Variants in VPS26A observed in about 807,000 individuals in gnomAD.
VPS26A encodes the protein vacuolar protein sorting-associated protein 26A.
Under a neutral mutation model 42.4 loss-of-function variants are expected in VPS26A, and 22 were observed. The observed-to-expected ratio is 0.52, with a 90% CI of 0.37 to 0.74. VPS26A has a LOEUF of 0.74. Among genes scored for constraint, VPS26A ranks in the 30% least tolerant of loss-of-function variants. The pLI is 0.00. For missense variants in VPS26A, 276 were observed against 379.2 expected (o/e 0.73, Z 2.26); for synonymous variants, 110 against 123.5 (o/e 0.89, Z 0.73).
intron 2 of VPS26A, among the ~76,000 whole-genome samples, chr10:69,141,087 A>T (rs1445172548): frequency 6.6e-6 from 1 of 152,098 alleles, no homozygotes; most frequent in Non-Finnish European, 1.5e-5. Context: ...CGATCTGGGG[A>T]GATTCAAAGA....
rs762263355 is a variant in VPS26A at position 69,171,198 on chromosome 10, CAG to C, written c.917_918del (p.Arg306AsnfsTer8). The C allele has an allele frequency of 8.1e-6, 13 of 1,613,314 alleles. No homozygotes were observed. Among genetic ancestry groups the C allele is most frequent in the African/African-American group, 6.7e-5 (5 of 74,874 alleles). Reference sequence around the variant, plus strand: ...AAAAGCTCCTGAAAAACTGAGGAAACAGAGAACAAACTTTCACCAGCGATTTG... The same window carrying C: ...AAAAGCTCCTGAAAAACTGAGGAAACAGAACAAACTTTCACCAGCGATTTG... Reference protein sequence around the residue: ...WRKAPEKLRKQRTNFHQRFES... With the variant: ...WRKAPEKLRKXRTNFHQRFES... On this transcript the variant is annotated frameshift_variant, in exon 9 of 9. Coordinates refer to ENST00000263559, the MANE Select transcript of VPS26A (RefSeq NM_004896.5). LOFTEE classifies it high-confidence loss of function.
At chr10:69,170,960 C>T (rs1199402945) in intron 8 of VPS26A, among the ~76,000 whole-genome samples, 196 bp from the exon 9 acceptor site, 1 of 152,004 alleles carries the variant, frequency 6.6e-6, no homozygotes, top group Admixed American at 6.6e-5. Flanking sequence ...TGCATGGGTG[C>T]TGGTGATAGG....
chr10:69,132,758 GAT>G, intron 1 of VPS26A, 138 bp from the exon 2 acceptor site: 1 of 887,232 alleles, frequency 1.1e-6, no homozygotes, highest in South Asian at 1.9e-5. Flanking sequence ...TGTAGCATTT[GAT>G]ATATGTTTTT....
intron 2 of VPS26A, among the ~76,000 whole-genome samples, chr10:69,153,020 C>T (rs1841351542): frequency 6.7e-6 from 1 of 149,672 alleles, no homozygotes; most frequent in Non-Finnish European, 1.5e-5. Flanking sequence ...GAAAAAGGAT[C>T]CTACCTAATT....
intron 5 of VPS26A, among the ~76,000 whole-genome samples, chr10:69,160,747 T>C (rs956077756): frequency 2.6e-5 from 4 of 152,168 alleles, no homozygotes; most frequent in Non-Finnish European, 4.4e-5. Flanking sequence ...CGGCCTGACA[T>C]AATTTATATT....
At chr10:69,164,643 T>C (rs1841644629) in intron 6 of VPS26A, among the ~76,000 whole-genome samples, 1 of 152,228 alleles carries the variant, frequency 6.6e-6, no homozygotes, top group Admixed American at 6.5e-5. Context: ...TTATGGCCTC[T>C]GGGTTTTATG....
At chr10:69,161,954 A>G (rs12249303) in intron 5 of VPS26A, 40,361 of 189,532 alleles carry the variant, frequency 0.21, 4,677 homozygotes, top group African/African-American at 0.25. Flanking sequence ...CGCCACCTCC[A>G]TGCAACTCAG....
chr10:69,174,395 T>C lies in VPS26A; in HGVS notation c.*3126T>C, dbSNP rs1270538991. On this transcript the variant is annotated 3_prime_UTR_variant, in exon 9 of 9. Transcript: ENST00000263559. ...AACCACTGATCTAAACCATTAAAAT[T>C]TTTATTTCTGTCACTAATGAAGAAT... is the stretch of plus-strand genomic sequence containing the variant. 6.6e-6 allele frequency among the ~76,000 whole-genome samples: 1 copy of C among 152,154 alleles called. No individual in the cohort carries two copies. The highest frequency in any genetic ancestry group is 2.4e-5 in the African/African-American group (1 of 41,440).
chr10:69,149,081 GT>G (rs554603137), intron 2 of VPS26A, among the ~76,000 whole-genome samples: 4 of 150,112 alleles, frequency 2.7e-5, no homozygotes, highest in Non-Finnish European at 5.9e-5. Context: ...ATGTAGATCT[GT>G]TTTTTTTTAC....
chr10:69,136,365 A>G (rs1025223591), intron 2 of VPS26A, among the ~76,000 whole-genome samples: 15 of 151,624 alleles, frequency 9.9e-5, no homozygotes, highest in African/African-American at 2.7e-4. Flanking sequence ...CCTGGGTCCA[A>G]GTGATTCTCC....
intron 2 of VPS26A, among the ~76,000 whole-genome samples, chr10:69,151,269 A>AAAAAAAAAAAAAAC (rs1841302056): frequency 2.8e-5 from 2 of 70,356 alleles, no homozygotes; most frequent in African/African-American, 7.4e-5. Flanking sequence ...CATGTCAAAA[A>AAAAAAAAAAAAAAC]AAAAAAAAAA....
chr10:69,171,360 C>A lies in VPS26A; in HGVS notation c.*91C>A. 9.4e-7 allele frequency: 1 copy of A among 1,059,284 alleles called. No individual in the cohort carries two copies. The highest frequency in any genetic ancestry group is 1.4e-6 in the Non-Finnish European group (1 of 715,470). 65.6% of individuals were successfully genotyped at this position (1,059,284 alleles called of 1,614,324 possible). On this transcript the variant is annotated 3_prime_UTR_variant, in exon 9 of 9. Transcript: ENST00000263559. The stretch of plus-strand genomic sequence containing the variant: ...TAAAGATGGTTGCAGCTGGAGGGGG[C>A]GGAAAAAGGCCAAAACTCCATATAT...
intron 8 of VPS26A, chr10:69,170,045 A>T (rs1224054350): frequency 6.6e-6 from 1 of 152,236 alleles, no homozygotes; most frequent in African/African-American, 2.4e-5. Flanking sequence ...AGATTAATAA[A>T]CATGTAGTTA....
chr10:69,150,975 C>G (rs1352307158), intron 2 of VPS26A, among the ~76,000 whole-genome samples: 5 of 151,672 alleles, frequency 3.3e-5, no homozygotes, highest in Admixed American at 1.3e-4. Flanking sequence ...TATTAAGACT[C>G]TTGACATAGG....
At chr10:69,165,050 C>T (rs2132236543) in intron 6 of VPS26A, among the ~76,000 whole-genome samples, 1 of 151,862 alleles carries the variant, frequency 6.6e-6, no homozygotes, top group East Asian at 1.9e-4. Flanking sequence ...GCCTCAGCCT[C>T]CTGAGTAGCT....
intron 7 of VPS26A, among the ~76,000 whole-genome samples, 157 bp downstream of exon 7, chr10:69,166,267 CTG>C (rs1841685827): frequency 6.6e-6 from 1 of 152,176 alleles, no homozygotes; most frequent in African/African-American, 2.4e-5. Context: ...GCAAAGAAGA[CTG>C]TAATTATATT....
At chr10:69,169,766 AC>A (rs1035242017) in intron 8 of VPS26A, among the ~76,000 whole-genome samples, 2 of 150,586 alleles carry the variant, frequency 1.3e-5, no homozygotes, top group African/African-American at 4.9e-5. Context: ...GCACCACCAC[AC>A]CCGGCTAATT....
intron 2 of VPS26A, among the ~76,000 whole-genome samples, chr10:69,135,748 AT>A (rs898560760): frequency 2.0e-5 from 3 of 152,056 alleles, no homozygotes; most frequent in Admixed American, 6.6e-5. Context: ...TTGGTTTGAG[AT>A]TTTTTTCATT....
chr10:69,138,061 C>G (rs529326198), intron 2 of VPS26A, among the ~76,000 whole-genome samples: 2 of 152,094 alleles, frequency 1.3e-5, no homozygotes, highest in African/African-American at 2.4e-5. Flanking sequence ...CCCCTGATCT[C>G]TGTTTCTATG....
Sources: gnomAD v4.1 joint callset for allele counts (sites outside exome capture counted in the v4.1 genomes callset) on GRCh38, gnomAD v4.1.1 for gene constraint, MANE v1.5 for transcripts, NCBI Gene and HGNC (gene_info 2026-07-23, HGNC 2026-07-21) for gene names.